Variants in DCDC1 observed in about 807,000 individuals in gnomAD.
DCDC1 encodes doublecortin domain containing 1, also known as doublecortin domain-containing protein 1.
Under a neutral mutation model 178.3 loss-of-function variants are expected in DCDC1, and 200 were observed. The observed-to-expected ratio is 1.12, with a 90% CI of 1.00 to 1.26. The LOEUF is 1.26. Ranked by LOEUF, DCDC1 falls within the 50% of genes most tolerant of loss-of-function variation. DCDC1 has a pLI of 0.00. For synonymous variants in DCDC1, 690 were observed against 604.8 expected (o/e 1.14, Z -2.07); for missense variants, 1,983 against 1,749.2 (o/e 1.13, Z -2.38).
chr11:30,953,022 T>C (rs993215128), intron 20 of DCDC1, among the ~76,000 whole-genome samples: 12 of 151,914 alleles, frequency 7.9e-5, no homozygotes, highest in Non-Finnish European at 1.3e-4. Flanking sequence ...ATCTGAATGC[T>C]ATAAGTAATA....
At chr11:30,938,190 T>TTC (rs1303842664) in intron 21 of DCDC1, among the ~76,000 whole-genome samples, 1 of 152,116 alleles carries the variant, frequency 6.6e-6, no homozygotes, top group East Asian at 1.9e-4. Flanking sequence ...CTTTTCCAGT[T>TTC]TCTCTCTCGT....
intron 20 of DCDC1, among the ~76,000 whole-genome samples, chr11:31,037,690 C>T (rs1361706618): frequency 3.9e-5 from 6 of 152,016 alleles, no homozygotes; most frequent in African/African-American, 1.4e-4. Flanking sequence ...GTCTCGATCT[C>T]CTGACCTCGT....
intron 8 of DCDC1, among the ~76,000 whole-genome samples, chr11:31,262,041 G>T (rs1272253603): frequency 3.9e-5 from 6 of 152,052 alleles, no homozygotes; most frequent in Non-Finnish European, 8.8e-5. Flanking sequence ...AAGGTAGGAG[G>T]ATTGCTTGAA....
At chr11:30,953,831 C>A (rs1168657772) in intron 20 of DCDC1, among the ~76,000 whole-genome samples, 1 of 151,888 alleles carries the variant, frequency 6.6e-6, no homozygotes, top group Non-Finnish European at 1.5e-5. Context: ...GTAGAAACAA[C>A]CCCCAAAATA....
intron 21 of DCDC1, among the ~76,000 whole-genome samples, chr11:30,934,936 G>A (rs2134340961): frequency 6.6e-6 from 1 of 152,262 alleles, no homozygotes; most frequent in East Asian, 1.9e-4. Flanking sequence ...GTTTATTAGG[G>A]TCTGGGTTTG....
At chr11:31,250,767 T>G (rs1453124618) in intron 8 of DCDC1, among the ~76,000 whole-genome samples, 1 of 151,160 alleles carries the variant, frequency 6.6e-6, no homozygotes, top group Non-Finnish European at 1.5e-5. Context: ...TATTTTTTTT[T>G]TTTTTTGAGA....
chr11:31,092,267 A>C (rs1957864505), intron 16 of DCDC1, among the ~76,000 whole-genome samples: 1 of 152,218 alleles, frequency 6.6e-6, no homozygotes, highest in South Asian at 2.1e-4. Context: ...ATGTGTTTGC[A>C]GTGTGGAAAA....
At chr11:31,070,522 A>G (rs971496338) in intron 18 of DCDC1, among the ~76,000 whole-genome samples, 2 of 152,170 alleles carry the variant, frequency 1.3e-5, no homozygotes, top group Non-Finnish European at 2.9e-5. Context: ...AACAACTTCA[A>G]ATAGCACATA....
chr11:31,023,965 C>G (rs944807729), intron 20 of DCDC1, among the ~76,000 whole-genome samples: 1 of 151,760 alleles, frequency 6.6e-6, no homozygotes, highest in African/African-American at 2.4e-5. Context: ...CCAATTGTAC[C>G]TAAAACAATA....
intron 9 of DCDC1, among the ~76,000 whole-genome samples, chr11:31,215,675 C>T (rs1973457213): frequency 1.3e-5 from 2 of 151,990 alleles, no homozygotes; most frequent in Non-Finnish European, 2.9e-5. Context: ...CGCCTATAGT[C>T]CTAGCTACTC....
rs555623049 is a variant in DCDC1 at position 31,292,913 on chromosome 11, T to C, written c.755-2061A>G. Among the ~76,000 whole-genome samples, 51 of 152,226 alleles carry C rather than the reference T, an allele frequency of 3.4e-4. 1 individual carries two copies. Among genetic ancestry groups the C allele is most frequent in the African/African-American group, 1.0e-3 (42 of 41,554 alleles). ...GAATTATTGTAGTGTAATGGGAGTT[T>C]ACCCACAATCTGGATGCCCCTAGAT... On this transcript the variant is annotated intron_variant, in intron 6 of 38. Transcript: ENST00000684477.
rs11407483 is a variant in DCDC1 at position 31,310,308 on chromosome 11, ATTTTTTTTTTT to A, written c.165-2411_165-2401del. On this transcript the variant is annotated intron_variant, in intron 3 of 38. Coordinates refer to ENST00000684477, the MANE Select transcript of DCDC1 (RefSeq NM_001387274.1). Reference sequence around the variant, plus strand: ...GAGGACAGGTTTTCAGTAATTCTTGATTTTTTTTTTTTTTTTTTTTTTTTTTTTGAGATGGA... The same window carrying A: ...GAGGACAGGTTTTCAGTAATTCTTGATTTTTTTTTTTTTTTTTGAGATGGA... Among the ~76,000 whole-genome samples the A allele has an allele frequency of 1.5e-3, 82 of 53,880 alleles. 1 individual carries two copies. The highest frequency in any genetic ancestry group is 5.8e-3 in the African/African-American group (68 of 11,730). 35.3% of individuals were successfully genotyped at this position (53,880 alleles called of 152,430 possible).
intron 9 of DCDC1, among the ~76,000 whole-genome samples, chr11:31,152,015 T>C (rs1373330858): frequency 6.6e-6 from 1 of 152,208 alleles, no homozygotes; most frequent in Non-Finnish European, 1.5e-5. Flanking sequence ...CTTGATGTAA[T>C]CATTTCATGA....
At chr11:31,018,401 G>C (rs550630734) in intron 20 of DCDC1, among the ~76,000 whole-genome samples, 51 of 152,260 alleles carry the variant, frequency 3.3e-4, no homozygotes, top group African/African-American at 1.2e-3. Flanking sequence ...GAAAAGATAA[G>C]ACAAGGTCAC....
chr11:31,131,618 T>C (rs548982179), intron 10 of DCDC1, among the ~76,000 whole-genome samples: 26 of 152,284 alleles, frequency 1.7e-4, no homozygotes, highest in Non-Finnish European at 2.9e-5. Flanking sequence ...TTTATGGTTA[T>C]CTGATGAAAT....
chr11:31,311,351 CA>C (rs1443032543), intron 3 of DCDC1, among the ~76,000 whole-genome samples: 7 of 152,204 alleles, frequency 4.6e-5, no homozygotes, highest in African/African-American at 1.4e-4. Flanking sequence ...GCCTTCCAAA[CA>C]GGGAAAATAT....
intron 9 of DCDC1, among the ~76,000 whole-genome samples, chr11:31,162,545 C>G (rs528635279): frequency 1.3e-4 from 20 of 152,182 alleles, no homozygotes; most frequent in Admixed American, 9.8e-4. Context: ...TTCAATCGTT[C>G]TAGGTCTAAT....
At chr11:30,961,410 T>C (rs1263650839) in intron 20 of DCDC1, among the ~76,000 whole-genome samples, 2 of 151,988 alleles carry the variant, frequency 1.3e-5, no homozygotes, top group Non-Finnish European at 2.9e-5. Flanking sequence ...AACAGATAAA[T>C]AACAGATATT....
chr11:31,181,094 G>A (rs183021282), intron 9 of DCDC1, among the ~76,000 whole-genome samples: 4 of 152,230 alleles, frequency 2.6e-5, no homozygotes, highest in African/African-American at 7.2e-5. Context: ...AAACAAAGCC[G>A]CCGGTAAGTT....
Sources: gnomAD v4.1 joint callset for allele counts (sites outside exome capture counted in the v4.1 genomes callset) on GRCh38, gnomAD v4.1.1 for gene constraint, MANE v1.5 for transcripts, NCBI Gene and HGNC (gene_info 2026-07-23, HGNC 2026-07-21) for gene names.